Variants in RPN1 observed in about 807,000 individuals in gnomAD.
RPN1 encodes the protein ribophorin I, also known as dolichyl-diphosphooligosaccharide--protein glycosyltransferase subunit 1.
RPN1 carries 12 observed loss-of-function variants against 55.5 expected under a neutral mutation model. The observed-to-expected ratio is 0.22, with a 90% CI of 0.14 to 0.35. The LOEUF (loss-of-function observed/expected upper bound fraction) is 0.35, where lower values mean the gene tolerates loss of function less well. Among genes scored for constraint, RPN1 ranks in the 10% least tolerant of loss-of-function variants. The pLI is 1.00. For synonymous variants in RPN1, 317 were observed against 305.9 expected, an observed-to-expected ratio of 1.04 and a Z score of -0.38; for missense variants, 679 against 761.3, an observed-to-expected ratio of 0.89 and a Z score of 1.27.
intron 3 of RPN1, among the ~76,000 whole-genome samples, chr3:128,633,489 C>T (rs2107716765): frequency 6.6e-6 from 1 of 152,208 alleles, no homozygotes; most frequent in South Asian, 2.1e-4. Flanking sequence ...GCTGGGATTA[C>T]AAGCATAAGC....
chr3:128,637,740 C>G, intron 3 of RPN1, 59 bp downstream of exon 3: 1 of 1,540,388 alleles, frequency 6.5e-7, no homozygotes, highest in Non-Finnish European at 8.9e-7. Flanking sequence ...AACCAGTAGT[C>G]ACTCTGCAAG....
At chr3:128,622,038 G>T in intron 9 of RPN1, 126 bp downstream of exon 9, 1 of 928,216 alleles carries the variant, frequency 1.1e-6, no homozygotes, top group Non-Finnish European at 1.6e-6. Flanking sequence ...GAAAAGTTAT[G>T]GCCAGATGCA....
intron 9 of RPN1, 66 bp from the exon 10 acceptor site, chr3:128,620,659 C>CA (rs977125202): frequency 1.6e-5 from 25 of 1,526,162 alleles, no homozygotes; most frequent in Non-Finnish European, 2.0e-5. Context: ...CAGGCCCCAC[C>CA]ATCTCCCAGG....
chr3:128,644,804 A>C lies in RPN1; in HGVS notation c.326+115T>G, dbSNP rs529647186. 4.7e-5 allele frequency: 32 copies of C among 687,170 alleles called. No individual in the cohort carries two copies. In the East Asian group the frequency reaches 7.3e-4, roughly 16 times the overall value. The allele number at this position is 687,170 out of a possible 1,614,324, so 42.6% of individuals were successfully genotyped here. ...CTAGACCTCCTCTCTACAAAAAAAA[A>C]ACCCTGTAATAAAGCAGGCACTTCC... On this transcript the variant is annotated intron_variant, in intron 2 of 9. Transcript: ENST00000296255.
At chr3:128,646,162 G>A (rs1456011555) in intron 1 of RPN1, among the ~76,000 whole-genome samples, 1 of 146,044 alleles carries the variant, frequency 6.8e-6, no homozygotes. Flanking sequence ...GACGGAGGTT[G>A]CAGTGAGCTG....
At chr3:128,624,338 G>A (rs1043133767) in intron 8 of RPN1, among the ~76,000 whole-genome samples, 2 of 152,054 alleles carry the variant, frequency 1.3e-5, no homozygotes, top group Non-Finnish European at 2.9e-5. Flanking sequence ...AAATTAGCCG[G>A]GCGTGGTGGC....
rs1354728156 is a variant in RPN1 at position 128,626,952 on chromosome 3, G to A, written c.1037-120C>T. 8 of 812,516 alleles carry A rather than the reference G, an allele frequency of 9.8e-6. 1 individual carries two copies. Among genetic ancestry groups the A allele is most frequent in the East Asian group, 5.2e-5 (2 of 38,342 alleles). 50.3% of individuals were successfully genotyped at this position (812,516 alleles called of 1,614,324 possible). ...GTAGACAGCAAAACCAAAAACCCAC[G>A]GACCATGTTTACAACAAAACCAGGC... On this transcript the variant is annotated intron_variant, in intron 5 of 9. Transcript: ENST00000296255.
At chr3:128,639,437 A>G (rs116707050) in intron 2 of RPN1, among the ~76,000 whole-genome samples, 8,433 of 146,922 alleles carry the variant, frequency 0.057, 352 homozygotes, top group South Asian at 0.11. Flanking sequence ...CGGGCGACAG[A>G]GCGAGATACC....
chr3:128,639,884 G>A (rs981296122), intron 2 of RPN1, among the ~76,000 whole-genome samples: 1 of 152,172 alleles, frequency 6.6e-6, no homozygotes, highest in Non-Finnish European at 1.5e-5. Context: ...ACTGCGCCAG[G>A]CCCTAATTTG....
intron 2 of RPN1, among the ~76,000 whole-genome samples, chr3:128,639,001 T>C (rs1038953622): frequency 8.5e-5 from 13 of 152,098 alleles, no homozygotes; most frequent in African/African-American, 2.6e-4. Flanking sequence ...CACAACAGAA[T>C]ACTGACAGTC....
intron 9 of RPN1, among the ~76,000 whole-genome samples, chr3:128,621,014 G>A (rs1286060109): frequency 6.6e-6 from 1 of 152,164 alleles, no homozygotes; most frequent in African/African-American, 2.4e-5. Context: ...GGAAGGGGGG[G>A]TGACAGGCAT....
At chr3:128,639,665 G>A (rs892800481) in intron 2 of RPN1, among the ~76,000 whole-genome samples, 4 of 151,750 alleles carry the variant, frequency 2.6e-5, no homozygotes, top group East Asian at 4.0e-4. Context: ...TTGGCTCACC[G>A]CAACCTCCGC....
Position 128,625,970 on chromosome 3 carries a change from T to C in RPN1, c.1179A>G (p.Pro393=). The change falls in exon 7 of 10, where the codon CCA becomes CCG. Residue 393 remains proline (P), a synonymous_variant. Transcript: ENST00000296255. ...IDSPYEISRA[P]DELHYTYLDT... ...CCAGATAGGTGTAGTGCAGCTCATCTGGGGCACGGCTGATTTCATAGGGAC... is the reference window on the plus strand; with the variant it reads ...CCAGATAGGTGTAGTGCAGCTCATCCGGGGCACGGCTGATTTCATAGGGAC... 3 of 1,612,584 alleles carry C rather than the reference T, an allele frequency of 1.9e-6. No individual in the cohort carries two copies. Among genetic ancestry groups the C allele is most frequent in the Non-Finnish European group, 2.5e-6 (3 of 1,179,552 alleles).
chr3:128,630,630 G>GT (rs1195508731), intron 4 of RPN1, among the ~76,000 whole-genome samples: 1 of 150,744 alleles, frequency 6.6e-6, no homozygotes, highest in African/African-American at 2.4e-5. Context: ...TCATACATAA[G>GT]TAAAAAAAAA....
intron 9 of RPN1, 126 bp from the exon 10 acceptor site, chr3:128,620,719 G>A: frequency 1.0e-6 from 1 of 1,002,248 alleles, no homozygotes; most frequent in Non-Finnish European, 1.5e-6. Flanking sequence ...GCAGCCAACA[G>A]CACAGTGTCC....
At chr3:128,635,612 GATATAT>G (rs112246211) in intron 3 of RPN1, among the ~76,000 whole-genome samples, 2,956 of 125,654 alleles carry the variant, frequency 0.024, 128 homozygotes, top group African/African-American at 0.078. Context: ...TATAACTTGA[GATATAT>G]ATATATATAT....
intron 9 of RPN1, among the ~76,000 whole-genome samples, 177 bp downstream of exon 9, chr3:128,621,987 C>T (rs778597496): frequency 2.0e-5 from 3 of 152,216 alleles, no homozygotes; most frequent in Admixed American, 6.5e-5. Context: ...ACACCAGGAC[C>T]CCAAAAATCC....
intron 2 of RPN1, among the ~76,000 whole-genome samples, chr3:128,643,782 C>T (rs1288918828): frequency 2.0e-5 from 3 of 150,378 alleles, no homozygotes; most frequent in Non-Finnish European, 4.4e-5. Context: ...GCAAAGAGAG[C>T]GAAACTCTCT....
chr3:128,628,213 C>T (rs1226801039), intron 5 of RPN1, among the ~76,000 whole-genome samples: 2 of 151,148 alleles, frequency 1.3e-5, no homozygotes, highest in Non-Finnish European at 3.0e-5. Context: ...GCTGAGATCG[C>T]GCCAATGCAC....
Sources: allele counts gnomAD v4.1 joint callset (sites outside exome capture counted in the v4.1 genomes callset), GRCh38; gene constraint gnomAD v4.1.1; transcripts MANE v1.5; gene names NCBI Gene and HGNC (gene_info 2026-07-23, HGNC 2026-07-21).